RASGEF1A: variants seen among roughly 807,000 people sequenced by gnomAD.
The protein encoded by RASGEF1A is RasGEF domain family member 1A, also known as ras-GEF domain-containing family member 1A.
RASGEF1A carries 18 observed loss-of-function variants against 56.4 expected under a neutral mutation model. The ratio of observed to expected loss-of-function variants is 0.32; its 90% CI spans 0.22 to 0.47. The LOEUF is 0.47. Ranked by LOEUF, RASGEF1A falls within the 20% of genes least tolerant of loss-of-function variation. The pLI is 1.00. For synonymous variants in RASGEF1A, 245 were observed against 242.6 expected, an observed-to-expected ratio of 1.01 and a Z score of -0.09; for missense variants, 422 against 627.1, an observed-to-expected ratio of 0.67 and a Z score of 3.49.
chr10:43,254,557 C>A (rs1183923524), intron 1 of RASGEF1A, among the ~76,000 whole-genome samples: 1 of 152,222 alleles, frequency 6.6e-6, no homozygotes, highest in Non-Finnish European at 1.5e-5. Flanking sequence ...TGTTGCAGGG[C>A]CCGGAACTGA....
At chr10:43,257,581 C>T (rs553795820) in intron 1 of RASGEF1A, among the ~76,000 whole-genome samples, 54 of 152,306 alleles carry the variant, frequency 3.5e-4, no homozygotes, top group Middle Eastern at 6.8e-3. Context: ...TCTCAGACCC[C>T]GTAGTGCCCT....
At chr10:43,231,690 T>C (rs1840370036) in intron 1 of RASGEF1A, among the ~76,000 whole-genome samples, 1 of 152,268 alleles carries the variant, frequency 6.6e-6, no homozygotes, top group Non-Finnish European at 1.5e-5. Flanking sequence ...TACCCACCAG[T>C]GTGATCTCAG....
chr10:43,199,351 A>T lies in RASGEF1A; in HGVS notation c.850-157T>A, dbSNP rs554068354. Among the ~76,000 whole-genome samples, 227 of 152,252 alleles carry T rather than the reference A, an allele frequency of 1.5e-3. 1 individual carries two copies. The highest frequency in any genetic ancestry group is 2.9e-3 in the Non-Finnish European group (196 of 68,010). ...CCATGGCTGCGTCTGGGAGGTCCAG[A>T]CATGTGCACGGCCTATGCTCAGGCT... On this transcript the variant is annotated intron_variant, in intron 7 of 12. Transcript: ENST00000395810.
intron 1 of RASGEF1A, among the ~76,000 whole-genome samples, chr10:43,226,033 T>A (rs7915431): frequency 0.025 from 3,791 of 150,896 alleles, 80 homozygotes; most frequent in South Asian, 0.036. Context: ...GGGTGGGGGC[T>A]GGGTTATTCC....
intron 1 of RASGEF1A, among the ~76,000 whole-genome samples, chr10:43,264,826 C>G (rs1836596106): frequency 6.6e-6 from 1 of 152,050 alleles, no homozygotes. Flanking sequence ...CTCCTGAGGA[C>G]AGTGGGGGGG....
chr10:43,256,708 G>A (rs993873507), intron 1 of RASGEF1A, among the ~76,000 whole-genome samples: 4 of 152,120 alleles, frequency 2.6e-5, no homozygotes, highest in African/African-American at 7.2e-5. Context: ...GTGGACCAGC[G>A]CACACCACAG....
chr10:43,255,139 C>T lies in RASGEF1A; in HGVS notation c.-7+11706G>A, dbSNP rs76848669. 9.7e-3 allele frequency among the ~76,000 whole-genome samples: 1,480 copies of T among 152,284 alleles called. 25 individuals carry two copies. Among genetic ancestry groups the T allele is most frequent in the African/African-American group, 0.033 (1,384 of 41,566 alleles). On this transcript the variant is annotated intron_variant, in intron 1 of 12. Coordinates refer to ENST00000395810, the MANE Select transcript of RASGEF1A (RefSeq NM_145313.4). ...CCAGCCCAGCCCCTCCAGCCGGTGT[C>T]GGGCTTGGCTGCAGTGGGAATGCCC...
chr10:43,201,597 C>T (rs1007862263), intron 4 of RASGEF1A, among the ~76,000 whole-genome samples: 6 of 152,204 alleles, frequency 3.9e-5, no homozygotes, highest in African/African-American at 1.2e-4. Context: ...AAGGTCCCTG[C>T]TTGCAGTATC....
intron 2 of RASGEF1A, among the ~76,000 whole-genome samples, chr10:43,204,372 C>T (rs1435718559): frequency 1.3e-5 from 2 of 152,198 alleles, no homozygotes; most frequent in Non-Finnish European, 2.9e-5. Context: ...ACACTGCCCA[C>T]CGCAGCCCTC....
intron 1 of RASGEF1A, among the ~76,000 whole-genome samples, chr10:43,257,982 G>A (rs925369137): frequency 6.6e-6 from 1 of 152,204 alleles, no homozygotes; most frequent in Non-Finnish European, 1.5e-5. Context: ...AGGACATGAG[G>A]GCCTCCAGTG....
At chr10:43,205,875 A>C in intron 2 of RASGEF1A, 44 bp downstream of exon 2, 1 of 1,497,180 alleles carries the variant, frequency 6.7e-7, no homozygotes, top group Non-Finnish European at 9.3e-7. Flanking sequence ...CCTGGAGCCC[A>C]GGTCACCCCA....
chr10:43,266,559 C>A (rs1836627959), intron 1 of RASGEF1A, among the ~76,000 whole-genome samples: 1 of 150,778 alleles, frequency 6.6e-6, no homozygotes, highest in African/African-American at 2.4e-5. Context: ...CCCGGCCCGG[C>A]CCGGCCCGCC....
rs563703535 is a variant in RASGEF1A, at chr10:43,230,599, G to A, written c.-6-24477C>T. Reference sequence around the variant, plus strand: ...GGGAGTCCGAGTTGGCCGGCGGGGCGGCCGCTAGGGAGGAGCAGGGTATGC... The same window carrying A: ...GGGAGTCCGAGTTGGCCGGCGGGGCAGCCGCTAGGGAGGAGCAGGGTATGC... On this transcript the variant is annotated intron_variant, in intron 1 of 12. Coordinates refer to ENST00000395810, the MANE Select transcript of RASGEF1A (RefSeq NM_145313.4). Among the ~76,000 whole-genome samples, 217 of 152,296 alleles carry A rather than the reference G, an allele frequency of 1.4e-3. 1 individual carries two copies. Among genetic ancestry groups the A allele is most frequent in the South Asian group, 6.4e-3 (31 of 4,824 alleles).
Position 43,196,684 on chromosome 10 carries a change from C to T in RASGEF1A, c.1349-136G>A, listed in dbSNP as rs185535012. 1.2e-5 allele frequency: 10 copies of T among 868,804 alleles called. 1 individual carries two copies. The highest frequency in any genetic ancestry group is 7.4e-5 in the South Asian group (5 of 68,024). The allele number at this position is 868,804 out of a possible 1,614,324, so 53.8% of individuals were successfully genotyped here. A position where few individuals can be genotyped will look rare whatever the true frequency, so the allele number is the denominator to read the frequency against. Reference sequence around the variant, plus strand: ...GGGCTGAACACAGTTCTCTGCTGTGCGGGGCTCTCAGGCTGCCTGTTGGGG... The same window carrying T: ...GGGCTGAACACAGTTCTCTGCTGTGTGGGGCTCTCAGGCTGCCTGTTGGGG... On this transcript the variant is annotated intron_variant, in intron 11 of 12. Coordinates refer to ENST00000395810, the MANE Select transcript of RASGEF1A (RefSeq NM_145313.4). This position sits in a 1 kb window ranked among gnomAD's most constrained non-coding sequence, Gnocchi z 4.6.
chr10:43,220,047 G>A (rs1422927211), intron 1 of RASGEF1A, among the ~76,000 whole-genome samples: 1 of 152,154 alleles, frequency 6.6e-6, no homozygotes, highest in African/African-American at 2.4e-5. Flanking sequence ...CACACGTCCT[G>A]ACTGCCACCC....
intron 1 of RASGEF1A, among the ~76,000 whole-genome samples, chr10:43,247,093 A>T (rs1840574227): frequency 6.6e-6 from 1 of 152,266 alleles, no homozygotes; most frequent in Non-Finnish European, 1.5e-5. Context: ...AGCCCAGTTA[A>T]AAACGGGCAA....
chr10:43,228,463 G>C (rs574474420), intron 1 of RASGEF1A, among the ~76,000 whole-genome samples: 21 of 152,314 alleles, frequency 1.4e-4, no homozygotes, highest in African/African-American at 5.1e-4. Context: ...GCAGTGACTG[G>C]AGTACTGGGC....
intron 1 of RASGEF1A, among the ~76,000 whole-genome samples, chr10:43,226,003 G>T (rs1165490616): frequency 6.6e-6 from 1 of 152,118 alleles, no homozygotes; most frequent in Non-Finnish European, 1.5e-5. Flanking sequence ...AGCCCGGAAG[G>T]CGGGTGTGGG....
In RASGEF1A at chr10:43,266,986, G is replaced by C. The variant is rs1292398175; in HGVS notation, c.-148C>G. 6.8e-6 allele frequency: 1 copy of C among 147,170 alleles called. No homozygotes were observed. Among genetic ancestry groups the C allele is most frequent in the Non-Finnish European group, 1.5e-5 (1 of 66,168 alleles). 9.1% of individuals were successfully genotyped at this position (147,170 alleles called of 1,614,324 possible). ...CCACCCGCGGCCGCCCCCGCGCTGC[G>C]CCAGCTGCGGGCAGAGCAGCTCCCT... On this transcript the variant is annotated 5_prime_UTR_variant, in exon 1 of 13. Transcript: ENST00000395810.
Sources: gnomAD v4.1 joint callset for allele counts (sites outside exome capture counted in the v4.1 genomes callset) on GRCh38, gnomAD v4.1.1 for gene constraint, Gnocchi (gnomAD v3.1) non-coding constraint, MANE v1.5 for transcripts, NCBI Gene and HGNC (gene_info 2026-07-23, HGNC 2026-07-21) for gene names.